The following MPO variants were observed in gnomAD, a reference collection of about 807,000 sequenced individuals.
MPO encodes myeloperoxidase.
Under a neutral mutation model 69.4 loss-of-function variants are expected in MPO, and 57 were observed. That is an observed-to-expected ratio of 0.82 (90% confidence interval 0.66 to 1.02). MPO has a LOEUF of 1.02. Among genes scored for constraint, MPO ranks in the 50% least tolerant of loss-of-function variants. MPO has a pLI of 0.00. For missense variants in MPO, 971 were observed against 1,014.1 expected (o/e 0.96, Z 0.58); for synonymous variants, 426 against 417.1 (o/e 1.02, Z -0.26).
At chr17:58,278,245 A>C (rs1177262615) in intron 6 of MPO, 100 bp from the exon 7 acceptor site, 1 of 1,400,572 alleles carries the variant, frequency 7.1e-7, no homozygotes, top group Non-Finnish European at 9.8e-7. Context: ...GGTACCCTCA[A>C]CCTGCAGAGA....
At chr17:58,278,463 A>G (rs56323154) in intron 6 of MPO, among the ~76,000 whole-genome samples, 2 of 151,896 alleles carry the variant, frequency 1.3e-5, no homozygotes, top group East Asian at 3.9e-4. Context: ...TGGCCCTGAC[A>G]TTCTCCTGTC....
chr17:58,271,296 A>T (rs35840794), intron 11 of MPO, among the ~76,000 whole-genome samples: 2,582 of 152,276 alleles, frequency 0.017, 76 homozygotes, highest in African/African-American at 0.059. Flanking sequence ...ACATGAAGAC[A>T]TCAGGACCAC....
intron 7 of MPO, among the ~76,000 whole-genome samples, chr17:58,277,105 C>T (rs1366400258): frequency 2.0e-5 from 3 of 150,524 alleles, no homozygotes; most frequent in Admixed American, 2.0e-4. Flanking sequence ...GAGATTCCGT[C>T]TTAGAAAAAA....
At chr17:58,278,894 G>T in intron 6 of MPO, 114 bp downstream of exon 6, 2 of 1,283,390 alleles carry the variant, frequency 1.6e-6, no homozygotes, top group Non-Finnish European at 2.2e-6. Flanking sequence ...AGGGAGGCAG[G>T]GCCAGCCTTC....
chr17:58,279,868 G>C lies in MPO; in HGVS notation c.395C>G (p.Ser132Cys). 6.2e-7 allele frequency: 1 copy of C among 1,614,072 alleles called. No individual in the cohort carries two copies. Among genetic ancestry groups the C allele is most frequent in the Non-Finnish European group, 8.5e-7 (1 of 1,180,032 alleles). Reference protein sequence around the residue: ...ALDLLERKLRSLWRRPFNVTD... With the variant: ...ALDLLERKLRCLWRRPFNVTD... ...GACATTGAATGGCCTTCGCCACAGG[G>C]ACCGCAGCTTCCTCTCCAGCAGGTC... The change falls in exon 3 of 12, where the codon TCC (serine) becomes TGC (cysteine). Residue 132 changes from serine to cysteine, a missense_variant. Physicochemically the swap from Ser to Cys is moderately radical, Grantham distance 112. Coordinates refer to ENST00000225275, the MANE Select transcript of MPO (RefSeq NM_000250.2).
Position 58,271,796 on chromosome 17 carries a change from A to G in MPO, c.1889T>C (p.Leu630Pro). ...VLRNLKLARK[L>P]MEQYGTPNNI... ...GTTGGGCGTGCCATACTGCTCCATC[A>G]GTTTCCTCGCCAATTTCAGGTTCCT... is the stretch of plus-strand genomic sequence containing the variant. The change falls in exon 11 of 12, where the codon CTG (leucine) becomes CCG (proline). Residue 630 changes from leucine (L) to proline (P), a missense_variant. By Grantham distance (98) the Leu-to-Pro change is moderately conservative. Transcript: ENST00000225275. 2 of 1,614,160 alleles carry G rather than the reference A, an allele frequency of 1.2e-6. No homozygotes were observed. Among genetic ancestry groups the G allele is most frequent in the Admixed American group, 1.7e-5 (1 of 60,028 alleles).
chr17:58,279,621 A>G lies in MPO; in HGVS notation c.450T>C (p.Asn150=), dbSNP rs772488852. The change falls in exon 4 of 12, where the codon AAT becomes AAC. Residue 150 remains asparagine (N), a synonymous_variant. Transcript: ENST00000225275. Reference sequence around the variant, plus strand: ...CGCAGCCGCTTGACTTGGACAACACATTCAGCTGGGCGGGCGTCAGCACAT... The same window carrying G: ...CGCAGCCGCTTGACTTGGACAACACGTTCAGCTGGGCGGGCGTCAGCACAT... ...VTDVLTPAQL[N]VLSKSSGCAY... is the part of the protein sequence containing the mutation. 4 of 1,613,970 alleles carry G rather than the reference A, an allele frequency of 2.5e-6. No homozygotes were observed. The South Asian group carries it at 4.4e-5, about 18-fold the overall frequency.
chr17:58,278,633 G>A (rs1970470097), intron 6 of MPO, among the ~76,000 whole-genome samples: 1 of 152,136 alleles, frequency 6.6e-6, no homozygotes, highest in South Asian at 2.1e-4. Flanking sequence ...TGCCCTCTCA[G>A]TGGGGCGGAA....
At chr17:58,279,267 G>T in intron 5 of MPO, 30 bp downstream of exon 5, 1 of 1,564,036 alleles carries the variant, frequency 6.4e-7, no homozygotes, top group Non-Finnish European at 8.7e-7. Flanking sequence ...GCGTGGCCGG[G>T]CCTCGCCCCC....
In MPO at chr17:58,271,885, A is replaced by G. The variant is rs1354388604; in HGVS notation, c.1800T>C (p.Asn600=). ...RSRDHGLPGY[N]AWRRFCGLPQ... ...GGAGCCCACAGAAGCGCCTCCAGGC[A>G]TTGTATCCTGCATGGGGGAGGGGAC... Residue 600 remains asparagine, a synonymous_variant, in exon 11 of 12, where the codon AAT becomes AAC. Coordinates refer to ENST00000225275, the MANE Select transcript of MPO (RefSeq NM_000250.2). 2 of 1,614,004 alleles carry G rather than the reference A, an allele frequency of 1.2e-6. No homozygotes were observed. The highest frequency in any genetic ancestry group is 8.5e-7 in the Non-Finnish European group (1 of 1,180,024).
At chr17:58,277,621 T>C (rs1970454617) in intron 7 of MPO, 1 of 704,130 alleles carries the variant, frequency 1.4e-6, no homozygotes, top group Non-Finnish European at 2.4e-6. Context: ...CATCTTAGGG[T>C]TGGAGAGGTT....
At position 58,279,260 on chromosome 17, in the gene MPO, T is replaced by C. The variant is rs35966215; in HGVS notation, c.678+37A>G. On this transcript the variant is annotated intron_variant, in intron 5 of 11. Transcript: ENST00000225275. ...CTGGCGCCTGGGTCCGCGCACCGCGTGGCCGGGCCTCGCCCCCTCTGCCCG... is the reference window on the plus strand; with the variant it reads ...CTGGCGCCTGGGTCCGCGCACCGCGCGGCCGGGCCTCGCCCCCTCTGCCCG... The C allele has an allele frequency of 7.5e-5, 118 of 1,566,106 alleles. No homozygotes were observed. The African/African-American group carries it at 1.5e-3, about 20-fold the overall frequency.
chr17:58,278,957 G>A (rs1480957748), intron 6 of MPO, 51 bp downstream of exon 6: 2 of 1,553,184 alleles, frequency 1.3e-6, no homozygotes, highest in Middle Eastern at 2.0e-4. Context: ...GCCCCTTCCA[G>A]AAACAATCTC....
At chr17:58,271,569 A>C in intron 11 of MPO, 86 bp downstream of exon 11, 1 of 1,335,428 alleles carries the variant, frequency 7.5e-7, no homozygotes, top group East Asian at 2.3e-5. Context: ...CCAGTCCTTC[A>C]ACTGACAGGA....
rs1309574064 is a variant in MPO, at chr17:58,280,385, A to G, written c.229T>C (p.Tyr77His). 6.2e-7 allele frequency: 1 copy of G among 1,613,928 alleles called. No homozygotes were observed. Among genetic ancestry groups the G allele is most frequent in the East Asian group, 2.2e-5 (1 of 44,848 alleles). ...EEAKQLVDKA[Y>H]KERRESIKQR... ...CCCCACCTTTCCCGCCGCTCCTTGTAGGCCTTGTCCACCAGCTGCTTGGCC... is the reference window on the plus strand; with the variant it reads ...CCCCACCTTTCCCGCCGCTCCTTGTGGGCCTTGTCCACCAGCTGCTTGGCC... Residue 77 changes from tyrosine to histidine, a missense_variant, in exon 2 of 12, where the codon TAC becomes CAC. Transcript: ENST00000225275.
At chr17:58,276,489 G>A (rs1246915640) in intron 7 of MPO, among the ~76,000 whole-genome samples, 3 of 152,306 alleles carry the variant, frequency 2.0e-5, no homozygotes, top group African/African-American at 7.2e-5. Context: ...CAGGACACTA[G>A]GGTCAGTCCT....
chr17:58,271,616 ACAGCCACC>A, intron 11 of MPO, 31 bp downstream of exon 11: 4 of 1,598,258 alleles, frequency 2.5e-6, no homozygotes, highest in Non-Finnish European at 3.4e-6. Context: ...GGATGGGCCC[ACAGCCACC>A]CAGCGGCCCA....
chr17:58,278,911 G>A (rs1970474076), intron 6 of MPO, 97 bp downstream of exon 6: 11 of 1,400,400 alleles, frequency 7.9e-6, no homozygotes, highest in Non-Finnish European at 1.1e-5. Context: ...CTTCCTCAGC[G>A]TCTGGGAAAG....
Position 58,278,010 on chromosome 17 carries a change from T to C in MPO, c.1021A>G (p.Met341Val). Residue 341 changes from methionine to valine, a missense_variant, in exon 7 of 12, where the codon ATG (methionine) becomes GTG (valine). Coordinates refer to ENST00000225275, the MANE Select transcript of MPO (RefSeq NM_000250.2). ...AGGGGCTCCTCGCTGCCGTACACCA[T>C]GCTGGCGTCCACGAAGGAAGTGAGC... ...NALTSFVDAS[M>V]VYGSEEPLAR... The C allele has an allele frequency of 6.2e-7, 1 of 1,613,912 alleles. No individual in the cohort carries two copies. Among genetic ancestry groups the C allele is most frequent in the East Asian group, 2.2e-5 (1 of 44,884 alleles).
Sources: allele counts gnomAD v4.1 joint callset (sites outside exome capture counted in the v4.1 genomes callset), GRCh38; gene constraint gnomAD v4.1.1; transcripts MANE v1.5; gene names NCBI Gene and HGNC (gene_info 2026-07-23, HGNC 2026-07-21).